COG5: variants seen among roughly 807,000 people sequenced by gnomAD.
COG5 encodes conserved oligomeric Golgi complex subunit 5.
In COG5, 86 loss-of-function variants were observed where a neutral mutation model predicts 110.4. That is an observed-to-expected ratio of 0.78 (90% CI 0.65 to 0.93). The LOEUF (loss-of-function observed/expected upper bound fraction) is 0.93, where lower values mean the gene tolerates loss of function less well. Among genes scored for constraint, COG5 ranks in the 40% least tolerant of loss-of-function variants. The pLI is 0.00. For missense variants in COG5, 1,077 were observed against 987.0 expected, an observed-to-expected ratio of 1.09 and a Z score of -1.22; for synonymous variants, 360 against 334.6, an observed-to-expected ratio of 1.08 and a Z score of -0.83.
intron 14 of COG5, among the ~76,000 whole-genome samples, chr7:107,264,959 A>G (rs1450539015): frequency 6.6e-6 from 1 of 152,190 alleles, no homozygotes; most frequent in Middle Eastern, 3.2e-3. Flanking sequence ...CTGGAAAAAA[A>G]AAGCAAAAAT....
rs577859427 is a variant in COG5, at chr7:107,414,637, C to A, written c.539-2005G>T. Among the ~76,000 whole-genome samples the A allele has an allele frequency of 1.2e-4, 18 of 148,056 alleles. No individual in the cohort carries two copies. The South Asian group carries it at 3.0e-3, about 25-fold the overall frequency. ...CCATTCATGAACCTCTGGCTTCACA[C>A]TGACTAACATGTTCTCCATTTTGCA... On this transcript the variant is annotated intron_variant, in intron 6 of 21. Coordinates refer to ENST00000297135, the MANE Select transcript of COG5 (RefSeq NM_006348.5).
intron 7 of COG5, among the ~76,000 whole-genome samples, chr7:107,380,537 C>CG (rs1169107858): frequency 2.0e-5 from 3 of 152,184 alleles, no homozygotes; most frequent in Non-Finnish European, 4.4e-5. Context: ...ATAAACACCT[C>CG]TACACAAATA....
chr7:107,548,034 C>G (rs907739680), intron 5 of COG5, 77 bp downstream of exon 5: 27 of 1,219,510 alleles, frequency 2.2e-5, no homozygotes, highest in Non-Finnish European at 2.7e-5. Flanking sequence ...TTCTTCCAAA[C>G]TCATACTCTT....
chr7:107,523,159 T>C (rs1334256022), intron 6 of COG5, among the ~76,000 whole-genome samples: 1 of 152,190 alleles, frequency 6.6e-6, no homozygotes, highest in Admixed American at 6.5e-5. Context: ...CATTGACTGA[T>C]TGATTGATTT....
intron 8 of COG5, among the ~76,000 whole-genome samples, chr7:107,365,410 C>T (rs1813509015): frequency 6.6e-6 from 1 of 151,396 alleles, no homozygotes; most frequent in South Asian, 2.1e-4. Context: ...AGCATGCATG[C>T]CAGTTGCTGT....
At chr7:107,493,263 T>C (rs1302596984) in intron 6 of COG5, among the ~76,000 whole-genome samples, 4 of 152,182 alleles carry the variant, frequency 2.6e-5, no homozygotes, top group African/African-American at 9.6e-5. Flanking sequence ...TGTGAGATAC[T>C]ACATTTCTGT....
chr7:107,484,541 G>C (rs1389534964), intron 6 of COG5, among the ~76,000 whole-genome samples: 1 of 151,938 alleles, frequency 6.6e-6, no homozygotes, highest in East Asian at 1.9e-4. Context: ...GACTCTCATG[G>C]GCCTTACCAT....
chr7:107,474,679 C>T lies in COG5; in HGVS notation c.538+52558G>A, dbSNP rs1796861842. The T allele has an allele frequency of 1.2e-6, 2 of 1,610,034 alleles. No individual in the cohort carries two copies. The highest frequency in any genetic ancestry group is 1.7e-5 in the Admixed American group (1 of 59,784). On this transcript the variant is annotated intron_variant, in intron 6 of 21. Transcript: ENST00000297135. The surrounding 1 kb of genome is among the most constrained non-coding windows in gnomAD (Gnocchi z 5.7). ...CAGTACAAATGAATACTACACTGAA[C>T]TGGGAATGTATTATCACCTGTTAGT...
Position 107,230,686 on chromosome 7 carries a change from C to T in COG5, c.2097G>A (p.Glu699=), listed in dbSNP as rs1237408265. ...MRLAADFAQM[E]LAVGPFCRRV... is the part of the protein sequence containing the mutation. The stretch of plus-strand genomic sequence containing the variant: ...GTCTACAGAATGGACCCACAGCCAA[C>T]TCCATCTGAAATATTAAAATATACT... Residue 699 remains glutamate, a synonymous_variant, in exon 19 of 22, where the codon GAG becomes GAA. Transcript: ENST00000297135. The T allele has an allele frequency of 6.2e-7, 1 of 1,608,770 alleles. No homozygotes were observed. The highest frequency in any genetic ancestry group is 8.5e-7 in the Non-Finnish European group (1 of 1,175,224).
intron 6 of COG5, among the ~76,000 whole-genome samples, chr7:107,483,630 G>T (rs1207010973): frequency 6.6e-6 from 1 of 151,880 alleles, no homozygotes; most frequent in African/African-American, 2.4e-5. Flanking sequence ...CTTGAACCTG[G>T]GAGGCAAAGG....
chr7:107,368,160 T>A (rs535117101), intron 8 of COG5, among the ~76,000 whole-genome samples: 15 of 152,102 alleles, frequency 9.9e-5, no homozygotes, highest in African/African-American at 1.9e-4. Flanking sequence ...TTATTTTTTT[T>A]AAATCTTTCA....
chr7:107,476,059 C>T (rs1796958700), intron 6 of COG5, among the ~76,000 whole-genome samples: 1 of 150,320 alleles, frequency 6.7e-6, no homozygotes, highest in Admixed American at 6.7e-5. Flanking sequence ...GACAGTATGC[C>T]TATAATATAC....
At chr7:107,238,228 T>C (rs10262727) in intron 17 of COG5, among the ~76,000 whole-genome samples, 22,430 of 152,134 alleles carry the variant, frequency 0.15, 2,563 homozygotes, top group African/African-American at 0.32. Flanking sequence ...ACAACAGATA[T>C]GTGAGGTCAT....
At chr7:107,272,119 A>C (rs968504561) in intron 14 of COG5, among the ~76,000 whole-genome samples, 1 of 152,110 alleles carries the variant, frequency 6.6e-6, no homozygotes, top group Non-Finnish European at 1.5e-5. Context: ...AATTCTGTGA[A>C]AGGAAAATAA....
intron 10 of COG5, among the ~76,000 whole-genome samples, chr7:107,335,849 A>C (rs1810656422): frequency 6.6e-6 from 1 of 152,184 alleles, no homozygotes; most frequent in African/African-American, 2.4e-5. Flanking sequence ...AGAGACTACA[A>C]GCCAAAGACT....
chr7:107,259,512 A>G (rs1803152137), intron 14 of COG5, among the ~76,000 whole-genome samples: 1 of 152,144 alleles, frequency 6.6e-6, no homozygotes, highest in Non-Finnish European at 1.5e-5. Flanking sequence ...GAGGAGGTGG[A>G]GAGGCTCCTG....
intron 10 of COG5, among the ~76,000 whole-genome samples, chr7:107,331,471 A>T (rs958178321): frequency 6.6e-6 from 1 of 152,144 alleles, no homozygotes; most frequent in Non-Finnish European, 1.5e-5. Flanking sequence ...CCATCTCAAA[A>T]AAAAAGAAAA....
At chr7:107,244,346 C>T (rs1801882969) in intron 17 of COG5, among the ~76,000 whole-genome samples, 1 of 152,154 alleles carries the variant, frequency 6.6e-6, no homozygotes, top group Non-Finnish European at 1.5e-5. Context: ...GAGGAAAATT[C>T]ATAGCACTAA....
At chr7:107,260,543 C>T (rs1803250073) in intron 14 of COG5, among the ~76,000 whole-genome samples, 1 of 152,034 alleles carries the variant, frequency 6.6e-6, no homozygotes, top group African/African-American at 2.4e-5. Flanking sequence ...AGTTATACGA[C>T]ATGTGAATTA....
Sources: gnomAD v4.1 joint callset for allele counts (sites outside exome capture counted in the v4.1 genomes callset) on GRCh38, gnomAD v4.1.1 for gene constraint, Gnocchi (gnomAD v3.1) non-coding constraint, MANE v1.5 for transcripts, NCBI Gene and HGNC (gene_info 2026-07-23, HGNC 2026-07-21) for gene names.